The following CBL variants were observed in gnomAD, a reference collection of about 807,000 sequenced individuals.
The protein encoded by CBL is E3 ubiquitin-protein ligase CBL.
A neutral mutation model predicts 96.9 loss-of-function variants in CBL; 45 were observed. That is an observed-to-expected ratio of 0.46 (90% confidence interval 0.37 to 0.60). CBL has a LOEUF of 0.60. Among genes scored for constraint, CBL ranks in the 20% least tolerant of loss-of-function variants. The pLI, the probability that CBL is intolerant of heterozygous loss-of-function variation, is 0.00. For missense variants in CBL, 1,024 were observed against 1,143.5 expected, an observed-to-expected ratio of 0.90 and a Z score of 1.51; for synonymous variants, 420 against 426.8, an observed-to-expected ratio of 0.98 and a Z score of 0.20.
chr11:119,293,467 A>C (rs577251012), intron 12 of CBL, among the ~76,000 whole-genome samples: 2 of 151,598 alleles, frequency 1.3e-5, no homozygotes, highest in South Asian at 2.1e-4. Flanking sequence ...CGTAACTCCA[A>C]CTCTGTCCAG....
intron 7 of CBL, 105 bp from the exon 8 acceptor site, chr11:119,278,061 T>C: frequency 1.9e-6 from 2 of 1,073,922 alleles, no homozygotes; most frequent in South Asian, 2.9e-5. Context: ...GACATTTTTA[T>C]ATAAGCAAAA....
At position 119,285,676 on chromosome 11, in the gene CBL, G is replaced by A. The variant is rs555432834; in HGVS notation, c.1941+110G>A. 350 of 1,260,318 alleles carry A rather than the reference G, an allele frequency of 2.8e-4. 1 individual carries two copies. In the South Asian group the frequency reaches 3.9e-3, roughly 14 times the overall value. The allele number at this position is 1,260,318 out of a possible 1,614,324, so 78.1% of individuals were successfully genotyped here. A position where few individuals can be genotyped will look rare whatever the true frequency, so the allele number is the denominator to read the frequency against. Reference sequence around the variant, plus strand: ...TTTGGGAGGCCAAGGTGGGTGGATCGCTTGAGCCGAGGATTTCGAGACCAG... The same window carrying A: ...TTTGGGAGGCCAAGGTGGGTGGATCACTTGAGCCGAGGATTTCGAGACCAG... On this transcript the variant is annotated intron_variant, in intron 11 of 15. Coordinates refer to ENST00000264033, the MANE Select transcript of CBL (RefSeq NM_005188.4).
At position 119,273,893 on chromosome 11, in the gene CBL, C is replaced by T. The variant is rs1228155346; in HGVS notation, c.616C>T (p.Arg206Ter). The change falls in exon 4 of 16, where the codon CGA (arginine) becomes TGA (stop). Residue 206 changes from arginine to a stop codon, truncating the protein, a stop_gained. Coordinates refer to ENST00000264033, the MANE Select transcript of CBL (RefSeq NM_005188.4). LOFTEE classifies it high-confidence loss of function. ...GACAATAGTCCCTTGGAAGAGCTTT[C>T]GACAGGCTCTACATGAAGTGCATCC... The part of the protein sequence containing the change: ...EKTIVPWKSF[R>*]QALHEVHPIS... The T allele has an allele frequency of 1.9e-6, 3 of 1,613,968 alleles. No individual in the cohort carries two copies. Among genetic ancestry groups the T allele is most frequent in the Admixed American group, 1.7e-5 (1 of 59,998 alleles).
chr11:119,274,201 T>C (rs1678074436), intron 4 of CBL, among the ~76,000 whole-genome samples, 177 bp downstream of exon 4: 1 of 152,004 alleles, frequency 6.6e-6, no homozygotes, highest in Non-Finnish European at 1.5e-5. Context: ...AATATATGTA[T>C]GTGTGTGTAT....
At chr11:119,291,321 G>A (rs1005536132) in intron 12 of CBL, among the ~76,000 whole-genome samples, 3 of 152,182 alleles carry the variant, frequency 2.0e-5, no homozygotes, top group Non-Finnish European at 2.9e-5. Flanking sequence ...GGACGTTGAG[G>A]CTGCTGTGAG....
At chr11:119,276,741 A>G (rs1949892202) in intron 6 of CBL, among the ~76,000 whole-genome samples, 1 of 152,238 alleles carries the variant, frequency 6.6e-6, no homozygotes, top group Admixed American at 6.5e-5. Context: ...AATACATTTT[A>G]TATTATACAT....
intron 2 of CBL, among the ~76,000 whole-genome samples, chr11:119,265,412 T>C (rs960923425): frequency 3.9e-5 from 6 of 152,242 alleles, no homozygotes; most frequent in African/African-American, 1.4e-4. Flanking sequence ...AGATTACTTT[T>C]TCTAGCCCTG....
chr11:119,252,192 C>T (rs1173867908), intron 2 of CBL, among the ~76,000 whole-genome samples: 1 of 151,486 alleles, frequency 6.6e-6, no homozygotes. Context: ...TCCATAAACC[C>T]TCCCCCTACT....
At chr11:119,274,373 T>G (rs1234330145) in intron 4 of CBL, among the ~76,000 whole-genome samples, 1 of 152,238 alleles carries the variant, frequency 6.6e-6, no homozygotes, top group African/African-American at 2.4e-5. Context: ...TGTTTGCAAC[T>G]GTTTCTCCTG....
At chr11:119,268,198 C>T (rs1281524805) in intron 2 of CBL, among the ~76,000 whole-genome samples, 1 of 152,178 alleles carries the variant, frequency 6.6e-6, no homozygotes, top group East Asian at 1.9e-4. Flanking sequence ...CTTCAAAAGG[C>T]AGTTAAATGT....
At chr11:119,227,932 T>G (rs1008558370) in intron 1 of CBL, among the ~76,000 whole-genome samples, 1 of 152,210 alleles carries the variant, frequency 6.6e-6, no homozygotes, top group Admixed American at 6.5e-5. Context: ...GTCTTTTTAC[T>G]TCTGTGTCCC....
intron 12 of CBL, among the ~76,000 whole-genome samples, chr11:119,296,200 A>G (rs1950061365): frequency 6.6e-6 from 1 of 152,220 alleles, no homozygotes; most frequent in African/African-American, 2.4e-5. Context: ...TGCAAAAATA[A>G]TAGGAAGGGA....
intron 2 of CBL, among the ~76,000 whole-genome samples, chr11:119,257,386 TTGTG>T (rs1949719693): frequency 6.6e-6 from 1 of 152,256 alleles, no homozygotes; most frequent in Non-Finnish European, 1.5e-5. Context: ...TTTCATTTGT[TTGTG>T]GCCACTTGTA....
At position 119,303,898 on chromosome 11, in the gene CBL, T is replaced by TA. The variant is rs1950117813; in HGVS notation, c.*4118dup. On this transcript the variant is annotated 3_prime_UTR_variant, in exon 16 of 16. Coordinates refer to ENST00000264033, the MANE Select transcript of CBL (RefSeq NM_005188.4). ...GTTGGGAGGATTTTCGTATCACCCT[T>TA]ATGGGACCTGTCACCATGTCCTGTA... 4.3e-6 allele frequency: 1 copy of TA among 233,688 alleles called. No homozygotes were observed. The highest frequency in any genetic ancestry group is 6.0e-5 in the East Asian group (1 of 16,588). The allele number at this position is 233,688 out of a possible 1,614,324, so 14.5% of individuals were successfully genotyped here.
intron 2 of CBL, among the ~76,000 whole-genome samples, chr11:119,253,015 C>T (rs976039387): frequency 1.3e-5 from 2 of 152,002 alleles, no homozygotes; most frequent in Non-Finnish European, 2.9e-5. Flanking sequence ...TACCAGTTGG[C>T]ACACTTACGT....
At position 119,278,521 on chromosome 11, in the gene CBL, T is replaced by G. The variant is rs2135304404; in HGVS notation, c.1239T>G (p.Gly413=). The change falls in exon 9 of 16, where the codon GGT becomes GGG. Residue 413 remains glycine, a synonymous_variant. Coordinates refer to ENST00000264033, the MANE Select transcript of CBL (RefSeq NM_005188.4). ...TGCTTCTTCTGCAGGAATCAGAAGGTCAGGGCTGTCCTTTCTGCCGATGTG... is the reference window on the plus strand; with the variant it reads ...TGCTTCTTCTGCAGGAATCAGAAGGGCAGGGCTGTCCTTTCTGCCGATGTG... ...SCLTSWQESE[G]QGCPFCRCEI... is the part of the protein sequence containing the mutation. 1 of 1,613,990 alleles carries G rather than the reference T, an allele frequency of 6.2e-7. No homozygotes were observed. The highest frequency in any genetic ancestry group is 8.5e-7 in the Non-Finnish European group (1 of 1,179,840).
At chr11:119,226,295 C>T (rs1178016709) in intron 1 of CBL, among the ~76,000 whole-genome samples, 1 of 152,080 alleles carries the variant, frequency 6.6e-6, no homozygotes, top group Non-Finnish European at 1.5e-5. Context: ...TAATTCTTGC[C>T]TCCCCTGCAT....
intron 12 of CBL, among the ~76,000 whole-genome samples, chr11:119,296,096 T>C (rs1232012831): frequency 2.0e-5 from 3 of 152,188 alleles, no homozygotes; most frequent in East Asian, 1.9e-4. Flanking sequence ...ATAGCACTTA[T>C]GTGTGTATTA....
intron 9 of CBL, among the ~76,000 whole-genome samples, chr11:119,282,364 A>G (rs1254980172): frequency 6.6e-6 from 1 of 152,070 alleles, no homozygotes; most frequent in Non-Finnish European, 1.5e-5. Flanking sequence ...GACTATTGCA[A>G]GGATCCATTA....
Sources: allele counts gnomAD v4.1 joint callset (sites outside exome capture counted in the v4.1 genomes callset), GRCh38; gene constraint gnomAD v4.1.1; transcripts MANE v1.5; gene names NCBI Gene and HGNC (gene_info 2026-07-23, HGNC 2026-07-21).